Variants in FCSK observed in about 807,000 individuals in gnomAD.
FCSK encodes the protein L-fucose kinase.
A neutral mutation model predicts 122.5 loss-of-function variants in FCSK; 123 were observed. The ratio of observed to expected loss-of-function variants is 1.00; its 90% CI spans 0.87 to 1.17. The LOEUF (loss-of-function observed/expected upper bound fraction) is 1.17, where lower values mean the gene tolerates loss of function less well. Ranked by LOEUF, FCSK falls within the 50% of genes most tolerant of loss-of-function variation. FCSK has a pLI of 0.00. For missense variants in FCSK, 1,366 were observed against 1,450.4 expected (o/e 0.94, Z 0.95); for synonymous variants, 620 against 625.5 (o/e 0.99, Z 0.13).
At chr16:70,460,807 G>C (rs553447450) in intron 1 of FCSK, among the ~76,000 whole-genome samples, 1 of 152,192 alleles carries the variant, frequency 6.6e-6, no homozygotes, top group East Asian at 1.9e-4. Context: ...GAGAAGGTTC[G>C]TTCAAAGCGT....
intron 1 of FCSK, 88 bp downstream of exon 1, chr16:70,454,718 A>C (rs892426958): frequency 3.3e-5 from 5 of 149,544 alleles, no homozygotes; most frequent in Middle Eastern, 3.4e-3. Flanking sequence ...ACCCTCCCTG[A>C]CTGGGAGCAC....
At position 70,467,467 on chromosome 16, in the gene FCSK, C is replaced by T; in HGVS notation, c.578C>T (p.Pro193Leu). Residue 193 changes from proline (P) to leucine (L), a missense_variant, in exon 7 of 24, where the codon CCC (proline) becomes CTC (leucine). Pro to Leu is a moderately conservative substitution (Grantham distance 98). Coordinates refer to ENST00000288078, the MANE Select transcript of FCSK (RefSeq NM_145059.3). ...AATCATGGCGTCTACCTAACTGACC[C>T]CCAGGTAGTGCCCCTGGGGACAGTG... ...AQNHGVYLTD[P>L]QGLVLDIYYQ... 2 of 1,595,486 alleles carry T rather than the reference C, an allele frequency of 1.3e-6. No individual in the cohort carries two copies. Among genetic ancestry groups the T allele is most frequent in the South Asian group, 1.1e-5 (1 of 88,058 alleles).
Position 70,467,889 on chromosome 16 carries a change from C to T in FCSK, c.586C>T (p.Leu196Phe). Reference sequence around the variant, plus strand: ...TTCTGTTTCTCCCTGCACATAGGGCCTTGTTTTGGACATTTACTACCAGGG... The same window carrying T: ...TTCTGTTTCTCCCTGCACATAGGGCTTTGTTTTGGACATTTACTACCAGGG... Reference protein sequence around the residue: ...HGVYLTDPQGLVLDIYYQGTE... With the variant: ...HGVYLTDPQGFVLDIYYQGTE... The change falls in exon 8 of 24, where the codon CTT (leucine) becomes TTT (phenylalanine). Residue 196 changes from leucine to phenylalanine, a missense_variant. Leu to Phe is a conservative substitution (Grantham distance 22, BLOSUM62 0). Coordinates refer to ENST00000288078, the MANE Select transcript of FCSK (RefSeq NM_145059.3). 6.2e-7 allele frequency: 1 copy of T among 1,614,000 alleles called. No homozygotes were observed. Among genetic ancestry groups the T allele is most frequent in the Non-Finnish European group, 8.5e-7 (1 of 1,179,864 alleles).
chr16:70,475,700 A>G lies in FCSK; in HGVS notation c.2574A>G (p.Ala858=). 6.2e-7 allele frequency: 1 copy of G among 1,602,636 alleles called. No individual in the cohort carries two copies. The change falls in exon 20 of 24, where the codon GCA becomes GCG. Residue 858 remains alanine, a synonymous_variant. Transcript: ENST00000288078. ...GTALAALQRA[A]GRVVGTEALI... is the part of the protein sequence containing the mutation. ...CCCTGGCTGCCTTGCAGCGAGCCGC[A>G]GGCCGGGTGGTGGGCACGGAAGCCC...
At position 70,475,370 on chromosome 16, in the gene FCSK, T is replaced by C. The variant is rs1316390988; in HGVS notation, c.2398T>C (p.Phe800Leu). The C allele has an allele frequency of 6.2e-6, 10 of 1,610,702 alleles. No individual in the cohort carries two copies. In the South Asian group the frequency reaches 1.1e-4, roughly 18 times the overall value. Reference sequence around the variant, plus strand: ...TGCAGGGGCCCTGCTGAAGGCGGCCTTCATCTGTGCAGGGATCGTGCATGT... The same window carrying C: ...TGCAGGGGCCCTGCTGAAGGCGGCCCTCATCTGTGCAGGGATCGTGCATGT... ...HAPGALLKAA[F>L]ICAGIVHVHS... The change falls in exon 19 of 24, where the codon TTC becomes CTC. Residue 800 changes from phenylalanine to leucine, a missense_variant. Phe to Leu is a conservative substitution (Grantham distance 22). Coordinates refer to ENST00000288078, the MANE Select transcript of FCSK (RefSeq NM_145059.3).
chr16:70,463,843 C>G (rs1256482025), intron 3 of FCSK, 69 bp downstream of exon 3: 2 of 1,494,572 alleles, frequency 1.3e-6, no homozygotes, highest in African/African-American at 2.8e-5. Context: ...CTGAGATCCC[C>G]AGCTCCTCTG....
At chr16:70,468,763 T>G in intron 8 of FCSK, 86 bp from the exon 9 acceptor site, 1 of 1,525,774 alleles carries the variant, frequency 6.6e-7, no homozygotes, top group Non-Finnish European at 9.0e-7. Flanking sequence ...CAGCTTCATG[T>G]GGCCCATCTG....
chr16:70,466,749 C>A, intron 5 of FCSK, 133 bp from the exon 6 acceptor site: 1 of 704,580 alleles, frequency 1.4e-6, no homozygotes, highest in Non-Finnish European at 2.4e-6. Flanking sequence ...AAACCCAGGT[C>A]AGAGAGTGGG....
Position 70,466,955 on chromosome 16 carries a change from G to C in FCSK, c.484+1G>C, listed in dbSNP as rs1389461279. The stretch of plus-strand genomic sequence containing the variant: ...CTGCTGTCTGTTCCTGCAAATCCTG[G>C]TGAGCCTGAGACTACCTGGGACTGC... On this transcript the variant is annotated splice_donor_variant, in intron 6 of 23. Transcript: ENST00000288078. LOFTEE classifies it high-confidence loss of function. 8 of 1,613,630 alleles carry C rather than the reference G, an allele frequency of 5.0e-6. No individual in the cohort carries two copies. Among genetic ancestry groups the C allele is most frequent in the Non-Finnish European group, 6.8e-6 (8 of 1,179,916 alleles).
chr16:70,474,708 G>A lies in FCSK; in HGVS notation c.2155+14G>A. The A allele has an allele frequency of 6.3e-7, 1 of 1,590,442 alleles. No homozygotes were observed. ...TGGATTTCTCTGGTGAGCCCCTTGT[G>A]GCAGGTGGGGTTGAGGGTAGCTGCC... On this transcript the variant is annotated intron_variant, in intron 17 of 23. Transcript: ENST00000288078.
In FCSK at chr16:70,475,952, C is replaced by T. The variant is rs112514749; in HGVS notation, c.2641+185C>T. ...TCGTTTTCAACCTGAAATGTTCTAC[C>T]TCCCAACGAGCCGTTTCACAAGCAT... On this transcript the variant is annotated intron_variant, in intron 20 of 23. Transcript: ENST00000288078. 35 of 580,502 alleles carry T rather than the reference C, an allele frequency of 6.0e-5. 1 individual carries two copies. Among genetic ancestry groups the T allele is most frequent in the African/African-American group, 4.2e-4 (22 of 52,102 alleles). 36.0% of individuals were successfully genotyped at this position (580,502 alleles called of 1,614,324 possible).
In FCSK at chr16:70,479,269, C is replaced by A; in HGVS notation, c.3019C>A (p.Arg1007Ser). ...AGGCTGTGAGCCCCTGACTGTGCGG[C>A]GTATGATGGATGTCCTGGCCCCCCA... ...APGCEPLTVRRMMDVLAPHVH... is the reference protein window; with the variant it reads ...APGCEPLTVRSMMDVLAPHVH... The change falls in exon 23 of 24, where the codon CGT becomes AGT. Residue 1007 changes from arginine to serine, a missense_variant. Transcript: ENST00000288078. 1.2e-6 allele frequency: 2 copies of A among 1,613,938 alleles called. No homozygotes were observed. The highest frequency in any genetic ancestry group is 8.5e-7 in the Non-Finnish European group (1 of 1,180,006).
intron 4 of FCSK, 111 bp downstream of exon 4, chr16:70,465,287 A>G: frequency 4.2e-5 from 46 of 1,084,048 alleles, no homozygotes; most frequent in Non-Finnish European, 5.9e-5. Context: ...ATGAAATCTG[A>G]AAGATTCTAA....
chr16:70,462,787 G>A (rs918772335), intron 1 of FCSK, among the ~76,000 whole-genome samples: 5 of 151,534 alleles, frequency 3.3e-5, no homozygotes, highest in Non-Finnish European at 5.9e-5. Flanking sequence ...TGGGATTACA[G>A]GCATGCCCCG....
In FCSK at chr16:70,478,467, C is replaced by G. The variant is rs1394340153; in HGVS notation, c.2829+8C>G. On this transcript the variant is annotated splice_region_variant and intron_variant, in intron 21 of 23. Coordinates refer to ENST00000288078, the MANE Select transcript of FCSK (RefSeq NM_145059.3). ...GCTCGGAACCTGCTGCAGGTGAGCT[C>G]TGGCCCCAGCATGAGGGAGGCAGGC... 6.2e-6 allele frequency: 10 copies of G among 1,613,848 alleles called. No homozygotes were observed. The highest frequency in any genetic ancestry group is 8.5e-6 in the Non-Finnish European group (10 of 1,179,976).
At chr16:70,462,079 A>G (rs1472120150) in intron 1 of FCSK, 1 of 152,288 alleles carries the variant, frequency 6.6e-6, no homozygotes, top group Non-Finnish European at 1.5e-5. Context: ...TGACTTGGAT[A>G]CATCTCAGAG....
chr16:70,466,375 C>G, intron 5 of FCSK, 118 bp downstream of exon 5: 1 of 1,300,502 alleles, frequency 7.7e-7, no homozygotes, highest in Non-Finnish European at 1.1e-6. Context: ...TTTGAGGGTG[C>G]CTAATGTTAG....
chr16:70,474,245 C>T lies in FCSK; in HGVS notation c.1894C>T (p.Pro632Ser). ...CTTGCGGAGCGGGCCAGCTGCCAAC[C>T]CTGAGTGGATGCGGCCCTTCTCATA... ...GGLRSGPAANPEWMRPFSYLE... is the reference protein window; with the variant it reads ...GGLRSGPAANSEWMRPFSYLE... Residue 632 changes from proline (P) to serine (S), a missense_variant, in exon 16 of 24, where the codon CCT (proline) becomes TCT (serine). Pro to Ser is a moderately conservative substitution (Grantham distance 74). Coordinates refer to ENST00000288078, the MANE Select transcript of FCSK (RefSeq NM_145059.3). The T allele has an allele frequency of 6.2e-7, 1 of 1,611,202 alleles. No homozygotes were observed. Among genetic ancestry groups the T allele is most frequent in the Non-Finnish European group, 8.5e-7 (1 of 1,179,252 alleles).
In FCSK at chr16:70,473,426, C is replaced by T. The variant is rs901262029; in HGVS notation, c.1777+73C>T. On this transcript the variant is annotated intron_variant, in intron 15 of 23. Coordinates refer to ENST00000288078, the MANE Select transcript of FCSK (RefSeq NM_145059.3). The surrounding 1 kb of genome is among the most constrained non-coding windows in gnomAD (Gnocchi z 4.9). ...GCCCTCCCTGTCCTCTGGGCCATCC[C>T]CTGAGGGGACTAGGGGACCATGAGG... 2 of 1,421,054 alleles carry T rather than the reference C, an allele frequency of 1.4e-6. No individual in the cohort carries two copies. Among genetic ancestry groups the T allele is most frequent in the Admixed American group, 5.6e-5 (2 of 35,512 alleles). 88.0% of individuals were successfully genotyped at this position (1,421,054 alleles called of 1,614,324 possible).
Sources: gnomAD v4.1 joint callset for allele counts (sites outside exome capture counted in the v4.1 genomes callset) on GRCh38, gnomAD v4.1.1 for gene constraint, Gnocchi (gnomAD v3.1) non-coding constraint, MANE v1.5 for transcripts, NCBI Gene and HGNC (gene_info 2026-07-23, HGNC 2026-07-21) for gene names.